The following TEX101 variants were observed in gnomAD, a reference collection of about 807,000 sequenced individuals.
TEX101 encodes the protein testis-expressed protein 101.
A neutral mutation model predicts 18.1 loss-of-function variants in TEX101; 10 were observed. That is an observed-to-expected ratio of 0.55 (90% CI 0.34 to 0.94). TEX101 has a LOEUF of 0.94. Among genes scored for constraint, TEX101 ranks in the 40% least tolerant of loss-of-function variants. The pLI is 0.02. For synonymous variants in TEX101, 94 were observed against 114.8 expected, an observed-to-expected ratio of 0.82 and a Z score of 1.16; for missense variants, 259 against 298.9, an observed-to-expected ratio of 0.87 and a Z score of 0.98.
chr19:43,390,213 C>T, the TEX101 span, among the ~76,000 whole-genome samples: 9 of 152,110 alleles, frequency 5.9e-5, no homozygotes, highest in South Asian at 4.2e-4. Context: ...AATTTGCATC[C>T]GTGTGTATCT....
upstream of TEX101, among the ~76,000 whole-genome samples, chr19:43,412,464 T>A (rs758958754): frequency 2.6e-4 from 40 of 152,178 alleles, no homozygotes; most frequent in Admixed American, 7.9e-4. Flanking sequence ...ATCCAAACTA[T>A]GTCACGGAGC....
chr19:43,391,131 C>T, the TEX101 span, among the ~76,000 whole-genome samples: 7 of 152,228 alleles, frequency 4.6e-5, no homozygotes, highest in South Asian at 2.1e-4. Context: ...CCACGTTTTG[C>T]TTATTCATTC....
the TEX101 span, among the ~76,000 whole-genome samples, chr19:43,390,450 C>CTTTTTTTTTGTTT: frequency 1.6e-5 from 1 of 62,880 alleles, no homozygotes; most frequent in African/African-American, 6.3e-5. Context: ...CTTTTCTTTT[C>CTTTTTTTTTGTTT]TTTTTTTTTC....
chr19:43,393,806 G>A, the TEX101 span, among the ~76,000 whole-genome samples: 4 of 150,246 alleles, frequency 2.7e-5, no homozygotes, highest in African/African-American at 9.8e-5. Context: ...CGGAGCAGGG[G>A]TTCAAACCCA....
Position 43,418,477 on chromosome 19 carries a change from GAGT to G in TEX101, c.*83_*85del, listed in dbSNP as rs1970507924. ...TACTGTTGAGGTTCAACAAGCTGAG[GAGT>G]AGATGGGAATTTGAGGGAGAATACA... On this transcript the variant is annotated 3_prime_UTR_variant, in exon 6 of 6. Coordinates refer to ENST00000598265, the MANE Select transcript of TEX101 (RefSeq NM_001130011.3). 1 of 1,152,206 alleles carries G rather than the reference GAGT, an allele frequency of 8.7e-7. No individual in the cohort carries two copies. Among genetic ancestry groups the G allele is most frequent in the East Asian group, 2.4e-5 (1 of 42,418 alleles). 71.4% of individuals were successfully genotyped at this position (1,152,206 alleles called of 1,614,324 possible). A position where few individuals can be genotyped will look rare whatever the true frequency, so the allele number is the denominator to read the frequency against.
intron 1 of TEX101, among the ~76,000 whole-genome samples, chr19:43,415,299 C>T (rs1014410337): frequency 1.7e-4 from 26 of 151,920 alleles, no homozygotes; most frequent in African/African-American, 6.3e-4. Flanking sequence ...GAGGGAGAAG[C>T]GGCCTTCAGG....
In TEX101 at chr19:43,409,136, A is replaced by ACTT. The variant is rs1438943633; in HGVS notation, c.15+2619_15+2621dup. Among the ~76,000 whole-genome samples, 3 of 152,318 alleles carry ACTT rather than the reference A, an allele frequency of 2.0e-5. No homozygotes were observed. In the East Asian group the frequency reaches 5.8e-4, roughly 29 times the overall value. ...CCAGACCCAGAGTAGGTTCAGAGAA[A>ACTT]CTTCAGGGTGTTCCGTCCATAAATG... On this transcript the variant is annotated intron_variant, in intron 3 of 7. Coordinates refer to the TEX101 transcript ENST00000602198.
chr19:43,389,841 C>G, the TEX101 span, among the ~76,000 whole-genome samples: 8 of 152,320 alleles, frequency 5.3e-5, no homozygotes, highest in African/African-American at 1.9e-4. Context: ...GTCCTGTCTT[C>G]TGCACCCTGT....
chr19:43,394,715 C>T, the TEX101 span, among the ~76,000 whole-genome samples: 5 of 152,208 alleles, frequency 3.3e-5, no homozygotes, highest in African/African-American at 1.2e-4. Flanking sequence ...CGTGATCCGC[C>T]TGCCTCGACC....
At chr19:43,396,810 G>C, upstream of TEX101, among the ~76,000 whole-genome samples, 1 of 144,896 alleles carries the variant, frequency 6.9e-6, no homozygotes, top group Non-Finnish European at 1.5e-5. Context: ...GGCAGGAATT[G>C]AAGAGTGTTT....
intron 1 of TEX101, among the ~76,000 whole-genome samples, chr19:43,415,403 C>T (rs982650138): frequency 1.6e-4 from 24 of 152,050 alleles, no homozygotes; most frequent in African/African-American, 5.3e-4. Context: ...CCTGTGAACT[C>T]GCTCCAGCTC....
intron 3 of TEX101, 57 bp downstream of exon 3, chr19:43,416,299 C>T: frequency 1.9e-6 from 3 of 1,585,920 alleles, no homozygotes; most frequent in Non-Finnish European, 2.6e-6. Flanking sequence ...ATCTCCATGC[C>T]AATGCTTGTT....
the TEX101 span, among the ~76,000 whole-genome samples, chr19:43,389,340 G>A: frequency 6.6e-6 from 1 of 152,218 alleles, no homozygotes; most frequent in African/African-American, 2.4e-5. Context: ...TCAGGATCCC[G>A]AACAGCACCA....
chr19:43,397,577 G>T (rs1024914063), upstream of TEX101, among the ~76,000 whole-genome samples: 2 of 137,360 alleles, frequency 1.5e-5, no homozygotes, highest in African/African-American at 5.3e-5. Context: ...TATTTCCTCT[G>T]GTTTTTTTCT....
chr19:43,392,922 G>T, the TEX101 span, among the ~76,000 whole-genome samples: 1 of 152,084 alleles, frequency 6.6e-6, no homozygotes, highest in Non-Finnish European at 1.5e-5. Context: ...GCCGGATGTG[G>T]TGGCACACAC....
the TEX101 span, among the ~76,000 whole-genome samples, chr19:43,395,429 G>A: frequency 6.6e-6 from 1 of 152,200 alleles, no homozygotes; most frequent in African/African-American, 2.4e-5. Flanking sequence ...CACCCAGGTG[G>A]AGGTAAGAAA....
In TEX101 at chr19:43,418,198, G is replaced by C. The variant is rs1970501887; in HGVS notation, c.551G>C (p.Gly184Ala). Residue 184 changes from glycine to alanine, a missense_variant, in exon 6 of 6, where the codon GGC (glycine) becomes GCC (alanine). Gly to Ala is a moderately conservative substitution (Grantham distance 60). Coordinates refer to ENST00000598265, the MANE Select transcript of TEX101 (RefSeq NM_001130011.3). ...ATTGAGTCGTCTGTGGAGGTCAAAG[G>C]CTGTACAGCCATGATTGGCTGCAGG... The part of the protein sequence containing the change: ...GGIESSVEVK[G>A]CTAMIGCRLM... 2 of 1,614,030 alleles carry C rather than the reference G, an allele frequency of 1.2e-6. No homozygotes were observed. The highest frequency in any genetic ancestry group is 1.7e-5 in the Admixed American group (1 of 60,002).
chr19:43,392,154 G>T, the TEX101 span, among the ~76,000 whole-genome samples: 2 of 152,076 alleles, frequency 1.3e-5, no homozygotes, highest in Non-Finnish European at 2.9e-5. Flanking sequence ...CAGGGGTGGA[G>T]AGGGGAGATA....
chr19:43,414,450 G>A (rs1179418677), upstream of TEX101, among the ~76,000 whole-genome samples: 5 of 152,196 alleles, frequency 3.3e-5, no homozygotes, highest in Admixed American at 2.0e-4. Flanking sequence ...AGACTCAAGA[G>A]GCCAAGCTGA....
Sources: gnomAD v4.1 joint callset for allele counts (sites outside exome capture counted in the v4.1 genomes callset) on GRCh38, gnomAD v4.1.1 for gene constraint, MANE v1.5 for transcripts, NCBI Gene and HGNC (gene_info 2026-07-23, HGNC 2026-07-21) for gene names.